Variants in PDCD1LG2 observed in about 807,000 individuals in gnomAD.
PDCD1LG2 encodes the protein programmed cell death 1 ligand 2.
Under a neutral mutation model 28.2 loss-of-function variants are expected in PDCD1LG2, and 32 were observed. The observed-to-expected ratio is 1.13, with a 90% CI of 0.86 to 1.52. The LOEUF (loss-of-function observed/expected upper bound fraction) is 1.52, where lower values mean the gene tolerates loss of function less well. Among genes scored for constraint, PDCD1LG2 ranks in the 40% most tolerant of loss-of-function variants. The pLI is 0.00. For synonymous variants in PDCD1LG2, 116 were observed against 120.2 expected (o/e 0.97, Z 0.23); for missense variants, 385 against 323.8 (o/e 1.19, Z -1.45).
At position 5,570,014 on chromosome 9, in the gene PDCD1LG2, G is replaced by C. The variant is rs200672658; in HGVS notation, c.*55G>C. On this transcript the variant is annotated 3_prime_UTR_variant, in exon 7 of 7. Transcript: ENST00000397747. ...GATATGACATCTAAAGAAGCTTCTG[G>C]ACTCTGAACAAGAATTCGGTGGCCT... is the stretch of plus-strand genomic sequence containing the variant. The C allele has an allele frequency of 1.2e-5, 20 of 1,612,480 alleles. No homozygotes were observed. The South Asian group carries it at 2.1e-4, about 17-fold the overall frequency.
rs560292501 is a variant in PDCD1LG2, at chr9:5,548,379, A to T, written c.362-956A>T. Among the ~76,000 whole-genome samples, 11 of 152,298 alleles carry T rather than the reference A, an allele frequency of 7.2e-5. No individual in the cohort carries two copies. The East Asian group carries it at 2.1e-3, about 29-fold the overall frequency. On this transcript the variant is annotated intron_variant, in intron 3 of 6. Coordinates refer to ENST00000397747, the MANE Select transcript of PDCD1LG2 (RefSeq NM_025239.4). ...GTATTCCATTGTGTATATATACCACATTTTCTTTATTCATTCTCTGTTGAT... is the reference window on the plus strand; with the variant it reads ...GTATTCCATTGTGTATATATACCACTTTTTCTTTATTCATTCTCTGTTGAT...
rs950612464 is a variant in PDCD1LG2 at position 5,570,165 on chromosome 9, C to G, written c.*206C>G. 2 of 630,000 alleles carry G rather than the reference C, an allele frequency of 3.2e-6. No homozygotes were observed. The highest frequency in any genetic ancestry group is 3.6e-5 in the African/African-American group (2 of 55,294). The allele number at this position is 630,000 out of a possible 1,614,324, so 39.0% of individuals were successfully genotyped here. ...CCCCTTCACTGATCTGGACTCACCT[C>G]TGGAGCCTATGGCTTTAAGCAAGCA... is the stretch of plus-strand genomic sequence containing the variant. On this transcript the variant is annotated 3_prime_UTR_variant, in exon 7 of 7. Transcript: ENST00000397747.
intron 1 of PDCD1LG2, 29 bp from the exon 2 acceptor site, chr9:5,522,504 G>A (rs2129725181): frequency 6.4e-7 from 1 of 1,565,092 alleles, no homozygotes; most frequent in Non-Finnish European, 8.8e-7. Context: ...GTTTCACAAG[G>A]CCCTGAGACT....
At chr9:5,525,843 C>T (rs562977285) in intron 2 of PDCD1LG2, among the ~76,000 whole-genome samples, 37 of 151,726 alleles carry the variant, frequency 2.4e-4, no homozygotes, top group East Asian at 9.7e-4. Context: ...GGTCAGGAGA[C>T]CGAGACCAGC....
At chr9:5,552,090 C>T (rs1035110251) in intron 4 of PDCD1LG2, among the ~76,000 whole-genome samples, 2 of 152,192 alleles carry the variant, frequency 1.3e-5, no homozygotes, top group African/African-American at 4.8e-5. Flanking sequence ...AGCTTTTGAT[C>T]AGCATGCCCT....
chr9:5,563,143 TG>T lies in PDCD1LG2; in HGVS notation c.767-17del. 1 of 1,591,686 alleles carries T rather than the reference TG, an allele frequency of 6.3e-7. No homozygotes were observed. Among genetic ancestry groups the T allele is most frequent in the Non-Finnish European group, 8.6e-7 (1 of 1,160,246 alleles). ...TTTCTCATTAATCTTATTCCATTTC[TG>T]GAATTTTTCCTTTTCAGACACAACA... On this transcript the variant is annotated intron_variant, in intron 5 of 6. Transcript: ENST00000397747.
At chr9:5,530,828 A>G (rs868144312) in intron 2 of PDCD1LG2, among the ~76,000 whole-genome samples, 2 of 152,212 alleles carry the variant, frequency 1.3e-5, no homozygotes, top group African/African-American at 4.8e-5. Context: ...TTATAACTCT[A>G]CTTCTCAAAC....
At chr9:5,566,621 T>G (rs1816671386) in intron 6 of PDCD1LG2, among the ~76,000 whole-genome samples, 2 of 152,208 alleles carry the variant, frequency 1.3e-5, no homozygotes. Flanking sequence ...AGTCCCCTGC[T>G]GACCCTCAAT....
In PDCD1LG2 at chr9:5,569,314, T is replaced by TATTC. The variant is rs1481451782; in HGVS notation, c.817-639_817-636dup. Among the ~76,000 whole-genome samples, 2 of 152,150 alleles carry TATTC rather than the reference T, an allele frequency of 1.3e-5. No individual in the cohort carries two copies. The highest frequency in any genetic ancestry group is 2.9e-5 in the Non-Finnish European group (2 of 68,018). ...TGCAAGAGCAGGCAGGGAAGGTGACTATTCCTAGGTCTGAAGGAGAAAGGG... is the reference window on the plus strand; with the variant it reads ...TGCAAGAGCAGGCAGGGAAGGTGACTATTCATTCCTAGGTCTGAAGGAGAAAGGG... On this transcript the variant is annotated intron_variant, in intron 6 of 6. Coordinates refer to ENST00000397747, the MANE Select transcript of PDCD1LG2 (RefSeq NM_025239.4). The surrounding 1 kb of genome is among the most constrained non-coding windows in gnomAD (Gnocchi z 4.1).
chr9:5,522,835 T>A (rs1820302827), intron 2 of PDCD1LG2, among the ~76,000 whole-genome samples: 1 of 151,982 alleles, frequency 6.6e-6, no homozygotes, highest in African/African-American at 2.4e-5. Context: ...CTATTCCCAC[T>A]ATCCAGTGAG....
intron 3 of PDCD1LG2, among the ~76,000 whole-genome samples, chr9:5,542,315 A>T (rs1466029957): frequency 7.2e-5 from 11 of 152,290 alleles, no homozygotes; most frequent in Admixed American, 7.2e-4. Flanking sequence ...TGCAACAAAG[A>T]CAAAGGTAAA....
Position 5,535,363 on chromosome 9 carries a change from G to C in PDCD1LG2, c.361+313G>C, listed in dbSNP as rs571017402. ...TTGCCTAATTCACAATTCTCCCATG[G>C]AACATCCCTGACTTGATTATTAAGA... On this transcript the variant is annotated intron_variant, in intron 3 of 6. Transcript: ENST00000397747. 1.6e-4 allele frequency among the ~76,000 whole-genome samples: 24 copies of C among 152,230 alleles called. 1 individual carries two copies. In the South Asian group the frequency reaches 4.2e-3, roughly 26 times the overall value.
intron 3 of PDCD1LG2, among the ~76,000 whole-genome samples, chr9:5,549,048 T>C (rs576393802): frequency 2.0e-5 from 3 of 152,312 alleles, no homozygotes; most frequent in Admixed American, 2.0e-4. Flanking sequence ...CTACCAGTTA[T>C]AAGCTCTATG....
intron 3 of PDCD1LG2, among the ~76,000 whole-genome samples, chr9:5,537,994 G>A (rs888103588): frequency 2.0e-5 from 3 of 152,042 alleles, no homozygotes; most frequent in African/African-American, 4.8e-5. Context: ...GACATATAAC[G>A]ATAATCAATA....
At chr9:5,520,537 T>A (rs998884754) in intron 1 of PDCD1LG2, among the ~76,000 whole-genome samples, 5 of 152,220 alleles carry the variant, frequency 3.3e-5, no homozygotes, top group Non-Finnish European at 5.9e-5. Context: ...TCCATTTATA[T>A]TTATCTTAGC....
rs1465011039 is a variant in PDCD1LG2 at position 5,535,034 on chromosome 9, G to A, written c.345G>A (p.Leu115=). The change falls in exon 3 of 7, where the codon CTG becomes CTA. Residue 115 remains leucine, a synonymous_variant. Coordinates refer to ENST00000397747, the MANE Select transcript of PDCD1LG2 (RefSeq NM_025239.4). ...GGGTCGCCTGGGACTACAAGTACCT[G>A]ACTCTGAAAGTCAAAGGTGAGTGGT... The part of the protein sequence containing the change: ...IYGVAWDYKY[L]TLKVKASYRK... 2 of 1,608,388 alleles carry A rather than the reference G, an allele frequency of 1.2e-6. No homozygotes were observed. The highest frequency in any genetic ancestry group is 1.7e-4 in the Middle Eastern group (1 of 6,034).
At chr9:5,557,943 T>A (rs956839744) in intron 5 of PDCD1LG2, among the ~76,000 whole-genome samples, 191 bp downstream of exon 5, 25 of 152,210 alleles carry the variant, frequency 1.6e-4, no homozygotes, top group African/African-American at 5.8e-4. Context: ...GAGCTGAACT[T>A]CTTACACTGA....
At chr9:5,543,868 T>C (rs1007165116) in intron 3 of PDCD1LG2, among the ~76,000 whole-genome samples, 1 of 2,870 alleles carries the variant, frequency 3.5e-4, no homozygotes, top group African/African-American at 2.3e-3. Flanking sequence ...TGAATTTCAA[T>C]GGGGTGGGGG....
Position 5,535,054 on chromosome 9 carries a change from AGT to A in PDCD1LG2, c.361+6_361+7del. On this transcript the variant is annotated splice_donor_5th_base_variant and intron_variant, in intron 3 of 6. Coordinates refer to ENST00000397747, the MANE Select transcript of PDCD1LG2 (RefSeq NM_025239.4). ...TACCTGACTCTGAAAGTCAAAGGTG[AGT>A]GGTGTCAAGGACTAGAATCCATGGA... 1 of 1,597,050 alleles carries A rather than the reference AGT, an allele frequency of 6.3e-7. No individual in the cohort carries two copies. Among genetic ancestry groups the A allele is most frequent in the Non-Finnish European group, 8.5e-7 (1 of 1,170,942 alleles).
Sources: gnomAD v4.1 joint callset for allele counts (sites outside exome capture counted in the v4.1 genomes callset) on GRCh38, gnomAD v4.1.1 for gene constraint, Gnocchi (gnomAD v3.1) non-coding constraint, MANE v1.5 for transcripts, NCBI Gene and HGNC (gene_info 2026-07-23, HGNC 2026-07-21) for gene names.